Variants in PPP2R5C observed in about 807,000 individuals in gnomAD.
The protein encoded by PPP2R5C is serine/threonine-protein phosphatase 2A 56 kDa regulatory subunit gamma isoform.
Under a neutral mutation model 68.9 loss-of-function variants are expected in PPP2R5C, and 7 were observed. The observed-to-expected ratio is 0.10, with a 90% CI of 0.06 to 0.19. The LOEUF (loss-of-function observed/expected upper bound fraction) is 0.19. PPP2R5C is among the 10% of genes least tolerant of loss of function. PPP2R5C has a pLI of 1.00. For synonymous variants in PPP2R5C, 210 were observed against 222.2 expected, an observed-to-expected ratio of 0.95 and a Z score of 0.49; for missense variants, 348 against 641.3, an observed-to-expected ratio of 0.54 and a Z score of 4.94.
At chr14:101,762,011 G>A in intron 1 of PPP2R5C, 91 bp downstream of exon 1, 1 of 1,117,634 alleles carries the variant, frequency 8.9e-7, no homozygotes, top group East Asian at 4.4e-5. Context: ...CCCGGGCCCC[G>A]GCTCAGTTCC....
At chr14:101,790,649 G>A (rs902834481) in intron 3 of PPP2R5C, among the ~76,000 whole-genome samples, 3 of 152,232 alleles carry the variant, frequency 2.0e-5, no homozygotes, top group South Asian at 2.1e-4. Flanking sequence ...CATTTGGGCT[G>A]TTTCTTAGCT....
intron 1 of PPP2R5C, among the ~76,000 whole-genome samples, chr14:101,830,993 C>T (rs546941206): frequency 1.3e-5 from 2 of 152,242 alleles, no homozygotes; most frequent in South Asian, 2.1e-4. Flanking sequence ...CAAATACTTC[C>T]GAGCACTTTT....
intron 1 of PPP2R5C, among the ~76,000 whole-genome samples, chr14:101,838,473 C>T (rs932329199): frequency 2.6e-5 from 4 of 152,348 alleles, no homozygotes; most frequent in East Asian, 3.9e-4. Flanking sequence ...AAATTTCACC[C>T]ATTTGTCAAT....
chr14:101,788,013 A>G (rs545918230), intron 3 of PPP2R5C, among the ~76,000 whole-genome samples: 4 of 152,300 alleles, frequency 2.6e-5, no homozygotes, highest in South Asian at 4.1e-4. Context: ...CCAAGCCCCT[A>G]TTCTCCTGGA....
At chr14:101,823,229 C>T (rs1271945295) in intron 1 of PPP2R5C, among the ~76,000 whole-genome samples, 1 of 152,178 alleles carries the variant, frequency 6.6e-6, no homozygotes, top group Admixed American at 6.5e-5. Flanking sequence ...GCTATGGCAT[C>T]CATAGTAACT....
chr14:101,819,284 C>A, intron 1 of PPP2R5C: 1 of 500,612 alleles, frequency 2.0e-6, no homozygotes, highest in Non-Finnish European at 3.6e-6. Flanking sequence ...TCACCCTGGG[C>A]AGCCTGTGGC....
Position 101,917,751 on chromosome 14 carries a change from A to G in PPP2R5C, c.1327-80A>G. The G allele has an allele frequency of 6.3e-7, 1 of 1,583,994 alleles. No homozygotes were observed. The highest frequency in any genetic ancestry group is 1.3e-5 in the African/African-American group (1 of 74,332). The stretch of plus-strand genomic sequence containing the variant: ...AGGGCCCTGGGGGGCGGCAGGGGAG[A>G]TGAGTCCCTAGCCAGGATGAGAAGC... On this transcript the variant is annotated intron_variant, in intron 12 of 13. Transcript: ENST00000334743. This position sits in a 1 kb window ranked among gnomAD's most constrained non-coding sequence, Gnocchi z 4.4.
At chr14:101,909,795 C>A in intron 11 of PPP2R5C, 105 bp downstream of exon 13, 1 of 693,800 alleles carries the variant, frequency 1.4e-6, no homozygotes. Flanking sequence ...CACTCGAAAG[C>A]AAAACCAAGC....
At chr14:101,859,663 A>T (rs910577795) in intron 2 of PPP2R5C, among the ~76,000 whole-genome samples, 3 of 152,078 alleles carry the variant, frequency 2.0e-5, no homozygotes, top group African/African-American at 7.3e-5. Context: ...TTGGTTTGTG[A>T]CCCTCTTGTC....
chr14:101,791,864 C>T (rs1290135710), intron 3 of PPP2R5C, among the ~76,000 whole-genome samples: 2 of 152,098 alleles, frequency 1.3e-5, no homozygotes, highest in East Asian at 1.9e-4. Flanking sequence ...ACATTTTGTT[C>T]ATGATGTCTT....
chr14:101,792,780 C>T (rs749805697), intron 3 of PPP2R5C, among the ~76,000 whole-genome samples: 1 of 151,768 alleles, frequency 6.6e-6, no homozygotes, highest in African/African-American at 2.4e-5. Flanking sequence ...TTTTACATAG[C>T]CTCATTTATT....
At chr14:101,885,114 G>T (rs1223685101) in intron 5 of PPP2R5C, among the ~76,000 whole-genome samples, 1 of 152,240 alleles carries the variant, frequency 6.6e-6, no homozygotes, top group African/African-American at 2.4e-5. Flanking sequence ...GCATGAGCAG[G>T]TCCCACACAG....
intron 1 of PPP2R5C, chr14:101,843,356 C>T (rs8015021): frequency 0.11 from 20,372 of 184,000 alleles, 1,597 homozygotes; most frequent in African/African-American, 0.24. Flanking sequence ...GTTAGAGATA[C>T]GAAATAAGAT....
intron 1 of PPP2R5C, among the ~76,000 whole-genome samples, chr14:101,821,689 A>G (rs147925249): frequency 6.6e-6 from 1 of 152,116 alleles, no homozygotes. Flanking sequence ...GTGTATACAT[A>G]CGTTACGTAA....
chr14:101,847,315 A>G lies in PPP2R5C; in HGVS notation c.95-9371A>G, dbSNP rs554931239. Among the ~76,000 whole-genome samples the G allele has an allele frequency of 5.1e-4, 78 of 152,320 alleles. 1 individual carries two copies. Among genetic ancestry groups the G allele is most frequent in the African/African-American group, 1.8e-3 (74 of 41,568 alleles). ...AGATACTGTCTTTTGAGGAAAATTGATTTTCCAGGAGAATGCAGCCTGATT... is the reference window on the plus strand; with the variant it reads ...AGATACTGTCTTTTGAGGAAAATTGGTTTTCCAGGAGAATGCAGCCTGATT... On this transcript the variant is annotated intron_variant, in intron 1 of 13. Coordinates refer to ENST00000334743, the Ensembl canonical transcript of PPP2R5C.
In PPP2R5C at chr14:101,913,860, CAT is replaced by C. The variant is rs908575643; in HGVS notation, c.1326+1388_1326+1389del. Among the ~76,000 whole-genome samples the C allele has an allele frequency of 5.3e-5, 8 of 152,114 alleles. No homozygotes were observed. The highest frequency in any genetic ancestry group is 1.4e-4 in the African/African-American group (6 of 41,488). ...CAGTTGAAATCAGTAGCCTCGAAAA[CAT>C]GTGAGAAATGAATACACACACACAC... On this transcript the variant is annotated intron_variant, in intron 12 of 13. Transcript: ENST00000334743. This position sits in a 1 kb window ranked among gnomAD's most constrained non-coding sequence, Gnocchi z 4.1.
intron 13 of PPP2R5C, among the ~76,000 whole-genome samples, chr14:101,920,591 C>T (rs114547305): frequency 0.016 from 2,511 of 152,242 alleles, 78 homozygotes; most frequent in African/African-American, 0.058. Context: ...GTCTGTTTTC[C>T]CCAGATTAAC....
chr14:101,902,671 G>A (rs986049743), intron 9 of PPP2R5C, among the ~76,000 whole-genome samples: 1 of 152,212 alleles, frequency 6.6e-6, no homozygotes, highest in Non-Finnish European at 1.5e-5. Context: ...GCCAGGTGGC[G>A]TGTGCAGCAG....
chr14:101,776,774 A>G (rs1276631238), intron 2 of PPP2R5C, among the ~76,000 whole-genome samples: 2 of 152,070 alleles, frequency 1.3e-5, no homozygotes, highest in Non-Finnish European at 2.9e-5. Context: ...TGAATAGTTC[A>G]TAGAAATGGA....
Sources: gnomAD v4.1 joint callset for allele counts (sites outside exome capture counted in the v4.1 genomes callset) on GRCh38, gnomAD v4.1.1 for gene constraint, Gnocchi (gnomAD v3.1) non-coding constraint, MANE v1.5 for transcripts, NCBI Gene and HGNC (gene_info 2026-07-23, HGNC 2026-07-21) for gene names.